Variants in EPB41L5 observed in about 807,000 individuals in gnomAD.
EPB41L5 encodes band 4.1-like protein 5.
In EPB41L5, 55 loss-of-function variants were observed where a neutral mutation model predicts 106.6. The observed-to-expected ratio is 0.52, with a 90% confidence interval of 0.42 to 0.65. The LOEUF is 0.65. Among genes scored for constraint, EPB41L5 ranks in the 30% least tolerant of loss-of-function variants. The pLI, the probability that EPB41L5 is intolerant of heterozygous loss-of-function variation, is 0.00. For missense variants in EPB41L5, 871 were observed against 882.1 expected, an observed-to-expected ratio of 0.99 and a Z score of 0.16; for synonymous variants, 297 against 306.7, an observed-to-expected ratio of 0.97 and a Z score of 0.33.
intron 16 of EPB41L5, among the ~76,000 whole-genome samples, chr2:120,120,129 T>TA (rs1685143867): frequency 6.6e-6 from 1 of 152,094 alleles, no homozygotes; most frequent in African/African-American, 2.4e-5. Context: ...ATGGATATGA[T>TA]AAAAATATGT....
chr2:120,072,882 T>C (rs1424364931), intron 3 of EPB41L5, among the ~76,000 whole-genome samples: 4 of 151,326 alleles, frequency 2.6e-5, no homozygotes, highest in Non-Finnish European at 5.9e-5. Flanking sequence ...TATACTTACG[T>C]AACAAACCTG....
chr2:120,127,769 T>C lies in EPB41L5; in HGVS notation c.1419T>C (p.Thr473=). The C allele has an allele frequency of 6.2e-7, 1 of 1,613,848 alleles. No individual in the cohort carries two copies. Among genetic ancestry groups the C allele is most frequent in the Non-Finnish European group, 8.5e-7 (1 of 1,179,778 alleles). Residue 473 remains threonine (T), a synonymous_variant, in exon 17 of 25, where the codon ACT becomes ACC. Coordinates refer to ENST00000263713, the MANE Select transcript of EPB41L5 (RefSeq NM_020909.4). ...TIGDVIGASD[T]METSQALNDV... ...GTGATGTAATTGGGGCATCTGACAC[T>C]ATGGAAACATCCCAAGCACTGAATG...
chr2:120,079,905 T>C (rs947579225), intron 10 of EPB41L5, among the ~76,000 whole-genome samples: 1 of 152,098 alleles, frequency 6.6e-6, no homozygotes, highest in African/African-American at 2.4e-5. Flanking sequence ...TGCGTGGTCC[T>C]CCCATGGTTT....
chr2:120,023,956 G>A (rs1054035137), intron 2 of EPB41L5, among the ~76,000 whole-genome samples: 4 of 152,182 alleles, frequency 2.6e-5, no homozygotes, highest in Non-Finnish European at 4.4e-5. Flanking sequence ...GTGAATGGGA[G>A]TTCACTCATG....
chr2:120,023,226 T>G (rs1678063116), intron 2 of EPB41L5, among the ~76,000 whole-genome samples: 1 of 152,234 alleles, frequency 6.6e-6, no homozygotes, highest in Non-Finnish European at 1.5e-5. Context: ...TGGCCATTGC[T>G]TTTGGTGATA....
At chr2:120,098,455 C>T (rs1452734214) in intron 14 of EPB41L5, among the ~76,000 whole-genome samples, 2 of 152,146 alleles carry the variant, frequency 1.3e-5, no homozygotes, top group Admixed American at 1.3e-4. Context: ...TCAGGCAGTC[C>T]TCCTGCCTCG....
At chr2:120,086,733 C>T (rs1683081482) in intron 10 of EPB41L5, among the ~76,000 whole-genome samples, 1 of 152,082 alleles carries the variant, frequency 6.6e-6, no homozygotes, top group Non-Finnish European at 1.5e-5. Context: ...GGAGGGAGAA[C>T]CTATCTCAAA....
intron 3 of EPB41L5, among the ~76,000 whole-genome samples, chr2:120,070,472 C>T (rs1681784608): frequency 6.6e-6 from 1 of 152,200 alleles, no homozygotes; most frequent in African/African-American, 2.4e-5. Flanking sequence ...GCCTCCCTAA[C>T]TCATTTTATG....
chr2:120,134,472 A>AC (rs535630915), intron 18 of EPB41L5, among the ~76,000 whole-genome samples: 228 of 152,262 alleles, frequency 1.5e-3, no homozygotes, highest in Middle Eastern at 6.8e-3. Context: ...AATAGTCACC[A>AC]CATACCTCGG....
chr2:120,022,161 T>A (rs1677977983), intron 2 of EPB41L5, among the ~76,000 whole-genome samples: 1 of 152,218 alleles, frequency 6.6e-6, no homozygotes, highest in Admixed American at 6.5e-5. Context: ...TTTGGTCAAT[T>A]AACCAATAGA....
chr2:120,075,780 A>C (rs1468045948), intron 7 of EPB41L5, 27 bp downstream of exon 7: 3 of 1,555,212 alleles, frequency 1.9e-6, no homozygotes, highest in Non-Finnish European at 2.7e-6. Flanking sequence ...TTGACTGTTA[A>C]GACTCAAGTA....
intron 16 of EPB41L5, chr2:120,104,244 T>TTGA: frequency 6.5e-7 from 1 of 1,534,844 alleles, no homozygotes; most frequent in Non-Finnish European, 8.7e-7. Context: ...GATATGAGTG[T>TTGA]TGAGCCTCTT....
At chr2:120,148,316 C>T (rs1376861455) in intron 20 of EPB41L5, among the ~76,000 whole-genome samples, 2 of 152,114 alleles carry the variant, frequency 1.3e-5, no homozygotes, top group African/African-American at 4.8e-5. Flanking sequence ...TCCTTACCCT[C>T]ACTCCTTACC....
chr2:120,079,548 C>T (rs1682496499), intron 10 of EPB41L5, among the ~76,000 whole-genome samples: 2 of 152,152 alleles, frequency 1.3e-5, no homozygotes, highest in South Asian at 2.1e-4. Context: ...AGGTCACCTG[C>T]TATGAAGGAC....
chr2:120,017,401 G>A (rs1305283680), intron 1 of EPB41L5, among the ~76,000 whole-genome samples: 4 of 152,160 alleles, frequency 2.6e-5, no homozygotes, highest in African/African-American at 9.6e-5. Context: ...AGTGTATTGT[G>A]ATTTACTTTT....
intron 20 of EPB41L5, among the ~76,000 whole-genome samples, chr2:120,147,304 G>A (rs912317633): frequency 3.9e-5 from 6 of 152,112 alleles, no homozygotes; most frequent in Non-Finnish European, 8.8e-5. Flanking sequence ...AGCTATGATC[G>A]CACCACTGCG....
At chr2:120,109,975 A>T (rs961308714) in intron 16 of EPB41L5, among the ~76,000 whole-genome samples, 2 of 152,246 alleles carry the variant, frequency 1.3e-5, no homozygotes, top group Non-Finnish European at 2.9e-5. Flanking sequence ...AGCAGATGGC[A>T]CTAAGTGTCT....
At chr2:120,113,723 AT>A (rs1453954777) in intron 16 of EPB41L5, among the ~76,000 whole-genome samples, 2 of 152,102 alleles carry the variant, frequency 1.3e-5, no homozygotes, top group Non-Finnish European at 2.9e-5. Flanking sequence ...GTTTCTATAG[AT>A]TTGCCCATTC....
chr2:120,177,653 C>T lies in EPB41L5; in HGVS notation c.*2746C>T, dbSNP rs13413550. The T allele has an allele frequency of 1.9e-3, 282 of 152,334 alleles. 1 individual carries two copies. The highest frequency in any genetic ancestry group is 6.4e-3 in the African/African-American group (266 of 41,584). The allele number at this position is 152,334 out of a possible 1,614,324, so 9.4% of individuals were successfully genotyped here. ...GGAGGTCATGGTCATTTCATTCCTA[C>T]TCTTCAGGAGACACTGCTGAACAGA... is the stretch of plus-strand genomic sequence containing the variant. On this transcript the variant is annotated 3_prime_UTR_variant, in exon 25 of 25. Coordinates refer to ENST00000263713, the MANE Select transcript of EPB41L5 (RefSeq NM_020909.4).
Sources: allele counts gnomAD v4.1 joint callset (sites outside exome capture counted in the v4.1 genomes callset), GRCh38; gene constraint gnomAD v4.1.1; transcripts MANE v1.5; gene names NCBI Gene and HGNC (gene_info 2026-07-23, HGNC 2026-07-21).